KCNH7: variants seen among roughly 807,000 people sequenced by gnomAD.
KCNH7 encodes voltage-gated inwardly rectifying potassium channel KCNH7.
Under a neutral mutation model 120.8 loss-of-function variants are expected in KCNH7, and 49 were observed. The ratio of observed to expected loss-of-function variants is 0.41; its 90% CI spans 0.32 to 0.51. The LOEUF (loss-of-function observed/expected upper bound fraction) is 0.51. Among genes scored for constraint, KCNH7 ranks in the 20% least tolerant of loss-of-function variants. The pLI is 0.38. For missense variants in KCNH7, 1,097 were observed against 1,446.6 expected, an observed-to-expected ratio of 0.76 and a Z score of 3.92; for synonymous variants, 547 against 516.1, an observed-to-expected ratio of 1.06 and a Z score of -0.81.
chr2:162,573,111 A>C (rs181049865), intron 2 of KCNH7, among the ~76,000 whole-genome samples: 1 of 152,088 alleles, frequency 6.6e-6, no homozygotes, highest in Admixed American at 6.6e-5. Context: ...TTTATACTTG[A>C]TCTCAATATA....
chr2:162,497,713 G>A (rs1282402201), intron 6 of KCNH7, among the ~76,000 whole-genome samples: 1 of 152,130 alleles, frequency 6.6e-6, no homozygotes, highest in Admixed American at 6.6e-5. Context: ...CACTCTCTAA[G>A]CTTAATTTCT....
intron 2 of KCNH7, among the ~76,000 whole-genome samples, chr2:162,575,360 C>T (rs75135451): frequency 0.023 from 3,476 of 152,180 alleles, 57 homozygotes; most frequent in Middle Eastern, 0.048. Context: ...GGAACTTGAT[C>T]CTCTAGAATA....
chr2:162,397,395 C>G (rs1686945413), intron 10 of KCNH7, among the ~76,000 whole-genome samples: 1 of 151,776 alleles, frequency 6.6e-6, no homozygotes, highest in African/African-American at 2.4e-5. Context: ...GCTGTTTTAA[C>G]ACTTAGTGGA....
intron 2 of KCNH7, among the ~76,000 whole-genome samples, chr2:162,798,679 T>A (rs1221475996): frequency 6.6e-6 from 1 of 152,054 alleles, no homozygotes; most frequent in African/African-American, 2.4e-5. Flanking sequence ...TATTCATAAA[T>A]CCACCTTTCA....
In KCNH7 at chr2:162,686,064, A is replaced by G. The variant is rs1286354790; in HGVS notation, c.308-148984T>C. ...CAAGGGGATTGAGAAATAAAGTGGGAAAGTGTATTCATCAGCTATTAAGAA... is the reference window on the plus strand; with the variant it reads ...CAAGGGGATTGAGAAATAAAGTGGGGAAGTGTATTCATCAGCTATTAAGAA... On this transcript the variant is annotated intron_variant, in intron 2 of 15. Transcript: ENST00000332142. Among the ~76,000 whole-genome samples the G allele has an allele frequency of 1.3e-5, 2 of 152,078 alleles. 1 individual carries two copies. The highest frequency in any genetic ancestry group is 2.9e-5 in the Non-Finnish European group (2 of 68,016).
At chr2:162,599,377 G>A (rs1188254643) in intron 2 of KCNH7, among the ~76,000 whole-genome samples, 1 of 151,968 alleles carries the variant, frequency 6.6e-6, no homozygotes, top group African/African-American at 2.4e-5. Flanking sequence ...GTTGGATCCA[G>A]GCAAAGCTGT....
chr2:162,834,956 T>G (rs1685605257), intron 2 of KCNH7, among the ~76,000 whole-genome samples: 1 of 152,130 alleles, frequency 6.6e-6, no homozygotes, highest in Non-Finnish European at 1.5e-5. Flanking sequence ...TAGACTGTGT[T>G]GGCATCATAA....
chr2:162,778,504 C>G (rs945528357), intron 2 of KCNH7, among the ~76,000 whole-genome samples: 1 of 152,118 alleles, frequency 6.6e-6, no homozygotes, highest in East Asian at 1.9e-4. Flanking sequence ...TCTCATTACT[C>G]TACACTGTGA....
chr2:162,602,958 T>C (rs1404263756), intron 2 of KCNH7, among the ~76,000 whole-genome samples: 2 of 151,274 alleles, frequency 1.3e-5, no homozygotes, highest in East Asian at 3.9e-4. Flanking sequence ...CTTTTTTTTT[T>C]TTTTGGTAAT....
intron 3 of KCNH7, among the ~76,000 whole-genome samples, chr2:162,527,054 C>T (rs990818265): frequency 2.0e-5 from 3 of 151,942 alleles, no homozygotes; most frequent in Non-Finnish European, 2.9e-5. Flanking sequence ...CCTGACTTCC[C>T]GCAACATTTT....
chr2:162,553,069 C>A (rs537104750), intron 2 of KCNH7, among the ~76,000 whole-genome samples: 1 of 152,288 alleles, frequency 6.6e-6, no homozygotes, highest in Non-Finnish European at 1.5e-5. Context: ...AAAGCTACTT[C>A]TGGAATTTTT....
At chr2:162,394,256 AT>A in intron 12 of KCNH7, 132 bp downstream of exon 12, 1 of 654,204 alleles carries the variant, frequency 1.5e-6, no homozygotes, top group East Asian at 2.7e-5. Flanking sequence ...TAGCTACTGA[AT>A]AAAGCAAAGG....
At chr2:162,718,968 T>C (rs1370010078) in intron 2 of KCNH7, among the ~76,000 whole-genome samples, 2 of 151,978 alleles carry the variant, frequency 1.3e-5, no homozygotes, top group Non-Finnish European at 2.9e-5. Flanking sequence ...CAGAAAAGAA[T>C]TTGGAAACAA....
intron 2 of KCNH7, among the ~76,000 whole-genome samples, chr2:162,687,361 T>A (rs755340324): frequency 2.6e-4 from 40 of 152,302 alleles, no homozygotes; most frequent in Non-Finnish European, 5.6e-4. Flanking sequence ...TAACTATTTT[T>A]AATAATTAAA....
chr2:162,597,114 C>T (rs1228312223), intron 2 of KCNH7, among the ~76,000 whole-genome samples: 1 of 152,054 alleles, frequency 6.6e-6, no homozygotes, highest in African/African-American at 2.4e-5. Context: ...TAAATTAGTA[C>T]ATCCATTTTA....
rs187405268 is a variant in KCNH7, at chr2:162,521,411, G to A, written c.464-3253C>T. Among the ~76,000 whole-genome samples the A allele has an allele frequency of 4.0e-5, 6 of 151,854 alleles. No individual in the cohort carries two copies. The South Asian group carries it at 6.2e-4, about 16-fold the overall frequency. The stretch of plus-strand genomic sequence containing the variant: ...TTTAACAAAAAATGTTGATTGAGTA[G>A]AACTCAATAGTTCATGGAAAATGGT... On this transcript the variant is annotated intron_variant, in intron 3 of 15. Transcript: ENST00000332142.
At chr2:162,560,221 T>G (rs954095244) in intron 2 of KCNH7, among the ~76,000 whole-genome samples, 17 of 152,222 alleles carry the variant, frequency 1.1e-4, no homozygotes, top group African/African-American at 4.1e-4. Context: ...GTTTTTCCTC[T>G]GTGTCTGGAA....
chr2:162,780,562 T>C (rs1366810043), intron 2 of KCNH7, among the ~76,000 whole-genome samples: 1 of 152,164 alleles, frequency 6.6e-6, no homozygotes, highest in Non-Finnish European at 1.5e-5. Context: ...TGCCCTACGT[T>C]TTGTGACAAT....
At chr2:162,481,809 A>G (rs1574011376) in intron 6 of KCNH7, among the ~76,000 whole-genome samples, 1 of 152,316 alleles carries the variant, frequency 6.6e-6, no homozygotes, top group South Asian at 2.1e-4. Flanking sequence ...TGTGCAGTTT[A>G]TTTAGCCCAA....
Sources: gnomAD v4.1 joint callset for allele counts (sites outside exome capture counted in the v4.1 genomes callset) on GRCh38, gnomAD v4.1.1 for gene constraint, MANE v1.5 for transcripts, NCBI Gene and HGNC (gene_info 2026-07-23, HGNC 2026-07-21) for gene names.